Variants in RLN2 observed in about 807,000 individuals in gnomAD.
RLN2 encodes the protein prorelaxin H2.
A neutral mutation model predicts 7.3 loss-of-function variants in RLN2; 10 were observed. The observed-to-expected ratio is 1.36, with a 90% CI of 0.84 to 2.31. The LOEUF is 2.31. Among genes scored for constraint, RLN2 ranks in the 30% most tolerant of loss-of-function variants. RLN2 has a pLI of 0.00. For missense variants in RLN2, 298 were observed against 217.6 expected, an observed-to-expected ratio of 1.37 and a Z score of -2.32; for synonymous variants, 103 against 82.3, an observed-to-expected ratio of 1.25 and a Z score of -1.36.
chr9:5,328,619 C>T, the RLN2 span, among the ~76,000 whole-genome samples: 1 of 151,968 alleles, frequency 6.6e-6, no homozygotes, highest in East Asian at 1.9e-4. Flanking sequence ...TCAGATTCAC[C>T]AAGGTTGAAA....
At chr9:5,305,379 A>G (rs918361695), upstream of RLN2, among the ~76,000 whole-genome samples, 4 of 141,460 alleles carry the variant, frequency 2.8e-5, no homozygotes, top group Admixed American at 1.4e-4. Context: ...ACACACACAC[A>G]CACACACACA....
chr9:5,322,139 A>G, the RLN2 span, among the ~76,000 whole-genome samples: 1 of 151,966 alleles, frequency 6.6e-6, no homozygotes, highest in Non-Finnish European at 1.5e-5. Context: ...ATGGACAGCA[A>G]AACGGGAGCA....
chr9:5,322,682 A>G, the RLN2 span, among the ~76,000 whole-genome samples: 1 of 149,150 alleles, frequency 6.7e-6, no homozygotes, highest in Non-Finnish European at 1.5e-5. Context: ...CCCAACCCAC[A>G]ATAGAATATG....
chr9:5,306,164 A>G (rs1022349713), upstream of RLN2, among the ~76,000 whole-genome samples: 3 of 145,898 alleles, frequency 2.1e-5, no homozygotes, highest in Admixed American at 6.9e-5. Context: ...CTGGAGTGCA[A>G]TGGTGTGATC....
chr9:5,308,972 G>A (rs552774634), upstream of RLN2, among the ~76,000 whole-genome samples: 14 of 152,126 alleles, frequency 9.2e-5, 1 homozygote, highest in African/African-American at 2.2e-4. Flanking sequence ...CAACACCCAC[G>A]TGGCCCTGCA....
the RLN2 span, among the ~76,000 whole-genome samples, chr9:5,327,313 G>A: frequency 2.6e-5 from 4 of 151,976 alleles, no homozygotes; most frequent in African/African-American, 9.7e-5. Flanking sequence ...GTCTGAGATC[G>A]ACCGGCTACG....
chr9:5,312,751 C>G, the RLN2 span, among the ~76,000 whole-genome samples: 3 of 151,554 alleles, frequency 2.0e-5, no homozygotes, highest in Admixed American at 6.6e-5. Context: ...TGTGCTGCAT[C>G]CCGTAAGTTT....
chr9:5,329,384 G>T, the RLN2 span, among the ~76,000 whole-genome samples: 1 of 150,372 alleles, frequency 6.7e-6, no homozygotes, highest in African/African-American at 2.4e-5. Context: ...TCATAATGAT[G>T]GGATCAAATT....
chr9:5,334,567 T>A, the RLN2 span, among the ~76,000 whole-genome samples: 1 of 152,032 alleles, frequency 6.6e-6, no homozygotes, highest in Non-Finnish European at 1.5e-5. Context: ...CATTATACTA[T>A]TTCTTCTGTA....
chr9:5,317,288 C>A, the RLN2 span, among the ~76,000 whole-genome samples: 1,024 of 151,634 alleles, frequency 6.8e-3, 28 homozygotes, highest in African/African-American at 0.024. Context: ...GGATAAAAAA[C>A]CAAGATTCAA....
chr9:5,318,658 T>C, the RLN2 span, among the ~76,000 whole-genome samples: 25 of 152,134 alleles, frequency 1.6e-4, no homozygotes, highest in East Asian at 4.3e-3. Flanking sequence ...TACCTATTGA[T>C]TGGTAAGAAA....
upstream of RLN2, among the ~76,000 whole-genome samples, chr9:5,307,840 T>C (rs977630212): frequency 6.6e-6 from 1 of 152,042 alleles, no homozygotes; most frequent in African/African-American, 2.4e-5. Context: ...ACTTTGTCTA[T>C]AGGGCTTTGC....
the RLN2 span, among the ~76,000 whole-genome samples, chr9:5,332,539 AACAG>A: frequency 2.0e-5 from 3 of 151,904 alleles, no homozygotes; most frequent in Non-Finnish European, 4.4e-5. Context: ...GATAATTTTA[AACAG>A]ACAGCAGATT....
chr9:5,338,068 T>G, the RLN2 span, among the ~76,000 whole-genome samples: 1 of 148,440 alleles, frequency 6.7e-6, no homozygotes, highest in Non-Finnish European at 1.5e-5. Flanking sequence ...TCTTTCCACT[T>G]ACTTGTTTAA....
chr9:5,316,669 A>G, the RLN2 span, among the ~76,000 whole-genome samples: 8 of 152,056 alleles, frequency 5.3e-5, no homozygotes, highest in Non-Finnish European at 2.9e-5. Flanking sequence ...TATATGTGCC[A>G]CATTTTCTTT....
chr9:5,330,364 T>C, the RLN2 span, among the ~76,000 whole-genome samples: 1 of 151,056 alleles, frequency 6.6e-6, no homozygotes, highest in Non-Finnish European at 1.5e-5. Context: ...AGAGGCCGGG[T>C]GTGGTGGCTC....
the RLN2 span, among the ~76,000 whole-genome samples, chr9:5,327,891 C>G: frequency 1.3e-5 from 2 of 151,948 alleles, no homozygotes; most frequent in African/African-American, 4.8e-5. Flanking sequence ...ACATCCACAA[C>G]AAAACCCCAT....
the RLN2 span, among the ~76,000 whole-genome samples, chr9:5,320,395 G>T: frequency 6.6e-6 from 1 of 151,890 alleles, no homozygotes; most frequent in African/African-American, 2.4e-5. Context: ...TTTTGACACA[G>T]GGTGCCACTC....
the RLN2 span, among the ~76,000 whole-genome samples, chr9:5,314,124 G>C: frequency 6.6e-6 from 1 of 152,018 alleles, no homozygotes; most frequent in African/African-American, 2.4e-5. Flanking sequence ...ACTCCCCACA[G>C]AGGAGGAGAA....
Sources: allele counts gnomAD v4.1 joint callset (sites outside exome capture counted in the v4.1 genomes callset), GRCh38; gene constraint gnomAD v4.1.1; transcripts MANE v1.5; gene names NCBI Gene and HGNC (gene_info 2026-07-23, HGNC 2026-07-21).